The following GAS7 variants were observed in gnomAD, a reference collection of about 807,000 sequenced individuals.
GAS7 encodes growth arrest specific 7.
A neutral mutation model predicts 71.1 loss-of-function variants in GAS7; 28 were observed. The observed-to-expected ratio is 0.39, with a 90% CI of 0.29 to 0.54. GAS7 has a LOEUF of 0.54. GAS7 is among the 20% of genes least tolerant of loss of function. GAS7 has a pLI of 0.62. For missense variants in GAS7, 436 were observed against 627.8 expected, an observed-to-expected ratio of 0.69 and a Z score of 3.27; for synonymous variants, 258 against 245.8, an observed-to-expected ratio of 1.05 and a Z score of -0.46.
At chr17:10,049,681 C>A (rs1469081062) in intron 1 of GAS7, among the ~76,000 whole-genome samples, 1 of 119,844 alleles carries the variant, frequency 8.3e-6, no homozygotes, top group African/African-American at 3.3e-5. Flanking sequence ...AGTGCAGTGG[C>A]GCGATCTTGG....
intron 1 of GAS7, among the ~76,000 whole-genome samples, chr17:10,089,053 C>G (rs569050785): frequency 2.0e-5 from 3 of 152,030 alleles, no homozygotes; most frequent in South Asian, 2.1e-4. Context: ...CCCAGCTACT[C>G]AGGAGACTGA....
rs560827284 is a variant in GAS7 at position 10,165,437 on chromosome 17, T to C, written c.183+32771A>G. Among the ~76,000 whole-genome samples the C allele has an allele frequency of 3.0e-4, 46 of 152,314 alleles. 1 individual carries two copies. The South Asian group carries it at 9.3e-3, about 31-fold the overall frequency. On this transcript the variant is annotated intron_variant, in intron 1 of 13. Transcript: ENST00000432992. ...ATGGGAGCTTTTGTTTCAACTTGAC[T>C]AAGGAGTTCTTGTGGCACCAGCTTG...
chr17:9,961,134 C>G (rs1024355690), intron 4 of GAS7, among the ~76,000 whole-genome samples: 1 of 152,232 alleles, frequency 6.6e-6, no homozygotes, highest in African/African-American at 2.4e-5. Flanking sequence ...TGTGGTTTCA[C>G]TGAGGTACCT....
At chr17:10,143,881 G>A (rs910266626) in intron 1 of GAS7, among the ~76,000 whole-genome samples, 3 of 152,258 alleles carry the variant, frequency 2.0e-5, no homozygotes, top group African/African-American at 4.8e-5. Flanking sequence ...CATGGGCAAG[G>A]AGGGTGTCAC....
intron 1 of GAS7, among the ~76,000 whole-genome samples, chr17:10,088,975 T>C (rs1048506882): frequency 2.6e-5 from 4 of 151,834 alleles, no homozygotes; most frequent in Admixed American, 6.6e-5. Flanking sequence ...CTGACCAATA[T>C]GGCAAAACCC....
At chr17:9,984,567 G>A (rs1236737583) in intron 2 of GAS7, among the ~76,000 whole-genome samples, 2 of 152,166 alleles carry the variant, frequency 1.3e-5, no homozygotes, top group African/African-American at 4.8e-5. Flanking sequence ...GGCAAGAGCA[G>A]GAAGCCTTGG....
intron 2 of GAS7, among the ~76,000 whole-genome samples, chr17:10,009,147 C>T (rs999827928): frequency 2.6e-5 from 4 of 151,298 alleles, no homozygotes; most frequent in Admixed American, 6.6e-5. Flanking sequence ...GGTGAAACCC[C>T]GTCTCTACTA....
Position 9,915,417 on chromosome 17 carries a change from C to A in GAS7, c.*1811G>T, listed in dbSNP as rs2067556353. On this transcript the variant is annotated 3_prime_UTR_variant, in exon 14 of 14. Coordinates refer to ENST00000432992, the MANE Select transcript of GAS7 (RefSeq NM_201433.2). ...ATTGGTAGCTGGTGTCATGACCCAA[C>A]CCCAGATCTGGACAGAGTGGTTCTC... 4.3e-6 allele frequency: 1 copy of A among 230,446 alleles called. No homozygotes were observed. Among genetic ancestry groups the A allele is most frequent in the Admixed American group, 5.7e-5 (1 of 17,678 alleles). 14.3% of individuals were successfully genotyped at this position (230,446 alleles called of 1,614,324 possible).
At position 10,103,077 on chromosome 17, in the gene GAS7, C is replaced by T. The variant is rs140078475; in HGVS notation, c.184-83180G>A. Among the ~76,000 whole-genome samples the T allele has an allele frequency of 6.8e-4, 104 of 152,268 alleles. No homozygotes were observed. Among genetic ancestry groups the T allele is most frequent in the Non-Finnish European group, 1.2e-3 (82 of 68,032 alleles). ...TGCATTTTAACAAACCCTGACCGGA[C>T]GTAGTGGCTCACACCTGTAATCCCA... On this transcript the variant is annotated intron_variant, in intron 1 of 13. Coordinates refer to ENST00000432992, the MANE Select transcript of GAS7 (RefSeq NM_201433.2). The surrounding 1 kb of genome is among the most constrained non-coding windows in gnomAD (Gnocchi z 5.5).
chr17:9,923,703 G>A (rs2067900178), intron 11 of GAS7, among the ~76,000 whole-genome samples: 1 of 152,228 alleles, frequency 6.6e-6, no homozygotes, highest in Admixed American at 6.5e-5. Context: ...GTTGATAGGT[G>A]CTCTCTCTGG....
intron 1 of GAS7, among the ~76,000 whole-genome samples, chr17:10,120,852 GGA>G (rs1251584215): frequency 6.6e-6 from 1 of 152,200 alleles, no homozygotes; most frequent in Admixed American, 6.5e-5. Context: ...GAGGGAGGGT[GGA>G]GAACGGCAGC....
chr17:9,934,286 C>T lies in GAS7; in HGVS notation c.807-42G>A, dbSNP rs375156617. 13 of 1,397,456 alleles carry T rather than the reference C, an allele frequency of 9.3e-6. No individual in the cohort carries two copies. The Admixed American group carries it at 1.8e-4, about 19-fold the overall frequency. The allele number at this position is 1,397,456 out of a possible 1,614,324, so 86.6% of individuals were successfully genotyped here. Reference sequence around the variant, plus strand: ...ATGAGACTCAGGTCACAAGCCAAAGCCCTTCCTGAGGCAGGATGGTGGGGC... The same window carrying T: ...ATGAGACTCAGGTCACAAGCCAAAGTCCTTCCTGAGGCAGGATGGTGGGGC... On this transcript the variant is annotated intron_variant, in intron 8 of 13. Transcript: ENST00000432992.
At chr17:9,940,670 A>T (rs2068571057) in intron 7 of GAS7, among the ~76,000 whole-genome samples, 1 of 152,134 alleles carries the variant, frequency 6.6e-6, no homozygotes, top group Non-Finnish European at 1.5e-5. Context: ...CTACTGTCTC[A>T]CACCCCCAAT....
At chr17:10,039,878 T>C (rs950154301) in intron 1 of GAS7, 78 of 362,488 alleles carry the variant, frequency 2.2e-4, no homozygotes, top group Middle Eastern at 8.9e-4. Flanking sequence ...GCCTTTCCCT[T>C]GGACATATCA....
chr17:10,189,987 C>T (rs926634233), intron 1 of GAS7, among the ~76,000 whole-genome samples: 1 of 151,928 alleles, frequency 6.6e-6, no homozygotes, highest in African/African-American at 2.4e-5. Flanking sequence ...AATAATACTT[C>T]ACGGCCCATG....
chr17:10,005,044 TATATATAC>T (rs1567879025), intron 2 of GAS7, among the ~76,000 whole-genome samples: 1 of 145,338 alleles, frequency 6.9e-6, no homozygotes, highest in Non-Finnish European at 1.5e-5. Flanking sequence ...TATACATACA[TATATATAC>T]ACATATATGT....
intron 2 of GAS7, among the ~76,000 whole-genome samples, chr17:9,982,801 AGAAAG>A (rs1282356935): frequency 1.1e-4 from 9 of 80,088 alleles, no homozygotes; most frequent in African/African-American, 2.3e-4. Flanking sequence ...AAGAAAGGAA[AGAAAG>A]GAAAGAAAGG....
At position 10,198,373 on chromosome 17, in the gene GAS7, G is replaced by A; in HGVS notation, c.18C>T (p.Cys6=). 1 of 1,588,176 alleles carries A rather than the reference G, an allele frequency of 6.3e-7. No homozygotes were observed. The highest frequency in any genetic ancestry group is 1.1e-5 in the South Asian group (1 of 89,822). The change falls in exon 1 of 14, where the codon TGC becomes TGT. Residue 6 remains cysteine, a synonymous_variant. Transcript: ENST00000432992. MSGAR[C]RTLYPFSGER... ...CCCCGGAGAAGGGGTACAGGGTCCGGCAGCGAGCGCCGGACATGGCCTTGG... is the reference window on the plus strand; with the variant it reads ...CCCCGGAGAAGGGGTACAGGGTCCGACAGCGAGCGCCGGACATGGCCTTGG...
intron 1 of GAS7, 34 bp downstream of exon 1, chr17:10,198,174 C>G: frequency 6.3e-7 from 1 of 1,592,512 alleles, no homozygotes; most frequent in Non-Finnish European, 8.6e-7. Context: ...GGACCGCAGC[C>G]CCGGCTCCTA....
Sources: allele counts gnomAD v4.1 joint callset (sites outside exome capture counted in the v4.1 genomes callset), GRCh38; gene constraint gnomAD v4.1.1; non-coding constraint Gnocchi (gnomAD v3.1); transcripts MANE v1.5; gene names NCBI Gene and HGNC (gene_info 2026-07-23, HGNC 2026-07-21).